CIT: variants seen among roughly 807,000 people sequenced by gnomAD.
CIT encodes citron rho-interacting serine/threonine kinase, also known as citron Rho-interacting kinase.
CIT carries 79 observed loss-of-function variants against 272.7 expected under a neutral mutation model. The ratio of observed to expected loss-of-function variants is 0.29; its 90% CI spans 0.24 to 0.35. The LOEUF (loss-of-function observed/expected upper bound fraction) is 0.35. Ranked by LOEUF, CIT falls within the 10% of genes least tolerant of loss-of-function variation. The pLI, the probability that CIT is intolerant of heterozygous loss-of-function variation, is 1.00. For synonymous variants in CIT, 948 were observed against 995.6 expected, an observed-to-expected ratio of 0.95 and a Z score of 0.90; for missense variants, 1,909 against 2,618.3, an observed-to-expected ratio of 0.73 and a Z score of 5.91.
At chr12:119,856,437 TACC>T (rs1369766437) in intron 4 of CIT, among the ~76,000 whole-genome samples, 1 of 152,102 alleles carries the variant, frequency 6.6e-6, no homozygotes, top group Non-Finnish European at 1.5e-5. Context: ...ATATATATTT[TACC>T]ACAATTTTTT....
At chr12:119,857,473 G>T (rs1950204379) in intron 4 of CIT, 50 bp downstream of exon 4, 4 of 1,586,636 alleles carry the variant, frequency 2.5e-6, no homozygotes, top group Admixed American at 1.7e-5. Flanking sequence ...TCTTTGCAAT[G>T]AACACTCCGG....
At chr12:119,698,839 CTTT>C (rs1207159073) in intron 44 of CIT, among the ~76,000 whole-genome samples, 5 of 152,006 alleles carry the variant, frequency 3.3e-5, no homozygotes, top group Non-Finnish European at 7.4e-5. Flanking sequence ...CTCATATGAG[CTTT>C]TTTTTCTTTG....
Position 119,697,517 on chromosome 12 carries a change from C to G in CIT, c.5882+142G>C. 1.1e-6 allele frequency: 1 copy of G among 894,178 alleles called. No homozygotes were observed. Among genetic ancestry groups the G allele is most frequent in the Non-Finnish European group, 1.7e-6 (1 of 581,944 alleles). The allele number at this position is 894,178 out of a possible 1,614,324, so 55.4% of individuals were successfully genotyped here. A position where few individuals can be genotyped will look rare whatever the true frequency, so the allele number is the denominator to read the frequency against. ...ATAATGGTCTGTGTTATTTCAGTGCCGCAGATCGCAAACAAATGAATGGTT... is the reference window on the plus strand; with the variant it reads ...ATAATGGTCTGTGTTATTTCAGTGCGGCAGATCGCAAACAAATGAATGGTT... On this transcript the variant is annotated intron_variant, in intron 46 of 47. Transcript: ENST00000392521. The surrounding 1 kb of genome is among the most constrained non-coding windows in gnomAD (Gnocchi z 4.9).
Position 119,712,276 on chromosome 12 carries a change from G to A in CIT, c.4756C>T (p.Leu1586=). The change falls in exon 37 of 48, where the codon CTA becomes TTA. Residue 1586 remains leucine, a synonymous_variant. Transcript: ENST00000392521. This position sits in a 1 kb window ranked among gnomAD's most constrained non-coding sequence, Gnocchi z 5.2. ...TCWPGRTLYL[L]APSFPDKQRW... is the part of the protein sequence containing the mutation. ...TGTTTGTCAGGGAAGCTGGGAGCTA[G>A]CAAGTAGAGGGTTCTCCCGGGCCAG... The A allele has an allele frequency of 6.2e-7, 1 of 1,614,202 alleles. No individual in the cohort carries two copies. Among genetic ancestry groups the A allele is most frequent in the South Asian group, 1.1e-5 (1 of 91,084 alleles).
At chr12:119,699,917 G>C (rs764224148) in intron 44 of CIT, 1 of 456,126 alleles carries the variant, frequency 2.2e-6, no homozygotes, top group Non-Finnish European at 4.4e-6. Context: ...GTACATACTT[G>C]TATGTGTATG....
chr12:119,777,209 C>G (rs1429812328), intron 13 of CIT, among the ~76,000 whole-genome samples: 1 of 151,112 alleles, frequency 6.6e-6, no homozygotes, highest in Non-Finnish European at 1.5e-5. Flanking sequence ...GAGCCGAGAT[C>G]GCGCCACTGC....
chr12:119,717,658 T>C (rs917094252), intron 32 of CIT, among the ~76,000 whole-genome samples: 1 of 151,272 alleles, frequency 6.6e-6, no homozygotes, highest in African/African-American at 2.4e-5. Flanking sequence ...TGACCTCAGG[T>C]GATCCGCCTG....
In CIT at chr12:119,718,899, A is replaced by C; in HGVS notation, c.3841-38T>G. ...ACAGAGATATCTCCTAACTCCTGGA[A>C]ACTGGCACTTGAAACTAGCTAAAGG... On this transcript the variant is annotated intron_variant, in intron 30 of 47. Coordinates refer to ENST00000392521, the MANE Select transcript of CIT (RefSeq NM_001206999.2). The surrounding 1 kb of genome is among the most constrained non-coding windows in gnomAD (Gnocchi z 4.8). The C allele has an allele frequency of 6.2e-7, 1 of 1,605,498 alleles. No individual in the cohort carries two copies. Among genetic ancestry groups the C allele is most frequent in the African/African-American group, 1.3e-5 (1 of 74,722 alleles).
At position 119,752,039 on chromosome 12, in the gene CIT, C is replaced by T. The variant is rs1440633256; in HGVS notation, c.2904+11G>A. The T allele has an allele frequency of 6.2e-6, 10 of 1,608,946 alleles. No homozygotes were observed. Among genetic ancestry groups the T allele is most frequent in the Non-Finnish European group, 8.5e-6 (10 of 1,178,178 alleles). ...CTTTAGCAACCTGAAGATGTTGCTC[C>T]CCAGACCTACCGTGAGTGCCTGGAT... On this transcript the variant is annotated intron_variant, in intron 23 of 47. Coordinates refer to ENST00000392521, the MANE Select transcript of CIT (RefSeq NM_001206999.2).
chr12:119,732,344 T>C (rs1958503612), intron 26 of CIT, among the ~76,000 whole-genome samples: 1 of 152,168 alleles, frequency 6.6e-6, no homozygotes, highest in African/African-American at 2.4e-5. Context: ...TGGTCGTGTA[T>C]TTCTTGATGC....
intron 32 of CIT, among the ~76,000 whole-genome samples, chr12:119,717,823 G>A (rs1323170963): frequency 1.9e-5 from 2 of 108,104 alleles, no homozygotes; most frequent in Admixed American, 1.1e-4. Flanking sequence ...GGGGAGCCAG[G>A]AGACTGACTT....
Position 119,804,301 on chromosome 12 carries a change from G to A in CIT, c.1112-912C>T. The A allele has an allele frequency of 1.0e-6, 1 of 985,518 alleles. No individual in the cohort carries two copies. Among genetic ancestry groups the A allele is most frequent in the Non-Finnish European group, 1.2e-6 (1 of 830,008 alleles). The allele number at this position is 985,518 out of a possible 1,614,324, so 61.0% of individuals were successfully genotyped here. A position where few individuals can be genotyped will look rare whatever the true frequency, so the allele number is the denominator to read the frequency against. On this transcript the variant is annotated intron_variant, in intron 9 of 47. Transcript: ENST00000392521. The surrounding 1 kb of genome is among the most constrained non-coding windows in gnomAD (Gnocchi z 5.3). ...CTGCCCATCGCGGTGGGCTCCCGGGGGTGTCCCCCGCCAGAAACGTTACCA... is the reference window on the plus strand; with the variant it reads ...CTGCCCATCGCGGTGGGCTCCCGGGAGTGTCCCCCGCCAGAAACGTTACCA...
intron 32 of CIT, among the ~76,000 whole-genome samples, chr12:119,717,735 CT>C (rs1401526190): frequency 6.6e-6 from 1 of 150,512 alleles, no homozygotes; most frequent in Non-Finnish European, 1.5e-5. Context: ...TTCTCATATT[CT>C]TTAAATATAA....
At chr12:119,794,079 C>T (rs1965532384) in intron 10 of CIT, among the ~76,000 whole-genome samples, 1 of 152,164 alleles carries the variant, frequency 6.6e-6, no homozygotes, top group African/African-American at 2.4e-5. Flanking sequence ...CTTGCGGACC[C>T]AGTCTAAAGT....
chr12:119,862,849 CA>C (rs112181745), intron 3 of CIT, among the ~76,000 whole-genome samples: 10,730 of 64,918 alleles, frequency 0.17, 1,203 homozygotes, highest in African/African-American at 0.4. Context: ...AAGAAAAAAC[CA>C]AAAAAAAAAA....
At chr12:119,722,393 G>C (rs1957847437) in intron 28 of CIT, among the ~76,000 whole-genome samples, 1 of 152,132 alleles carries the variant, frequency 6.6e-6, no homozygotes, top group Non-Finnish European at 1.5e-5. Flanking sequence ...GATTCCAAAA[G>C]GCCTATGGCA....
At chr12:119,746,972 G>C (rs916942720) in intron 23 of CIT, among the ~76,000 whole-genome samples, 1 of 152,130 alleles carries the variant, frequency 6.6e-6, no homozygotes, top group Non-Finnish European at 1.5e-5. Flanking sequence ...ACAGCAAAAC[G>C]CATAAGACAA....
intron 32 of CIT, among the ~76,000 whole-genome samples, chr12:119,716,645 A>G (rs979336610): frequency 6.6e-6 from 1 of 152,140 alleles, no homozygotes; most frequent in Admixed American, 6.5e-5. Flanking sequence ...AATGGAGTAC[A>G]TTTGAGACCA....
chr12:119,832,674 A>ATG (rs1968723573), intron 7 of CIT, 97 bp downstream of exon 7: 1 of 1,005,594 alleles, frequency 9.9e-7, no homozygotes, highest in African/African-American at 1.6e-5. Context: ...GCTCCAAAAC[A>ATG]TTGTTCACCA....
Sources: allele counts gnomAD v4.1 joint callset (sites outside exome capture counted in the v4.1 genomes callset), GRCh38; gene constraint gnomAD v4.1.1; non-coding constraint Gnocchi (gnomAD v3.1); transcripts MANE v1.5; gene names NCBI Gene and HGNC (gene_info 2026-07-23, HGNC 2026-07-21).